CYB5B: variants seen among roughly 807,000 people sequenced by gnomAD.
CYB5B encodes the protein cytochrome b5 type B, also known as cytochrome b5 type B (outer mitochondrial membrane).
CYB5B carries 14 observed loss-of-function variants against 21.3 expected under a neutral mutation model. The observed-to-expected ratio is 0.66, with a 90% CI of 0.43 to 1.03. CYB5B has a LOEUF of 1.03. Among genes scored for constraint, CYB5B ranks in the 50% least tolerant of loss-of-function variants. The pLI is 0.00. For missense variants in CYB5B, 166 were observed against 185.1 expected (o/e 0.90, Z 0.60); for synonymous variants, 69 against 68.4 (o/e 1.01, Z -0.04).
At chr16:69,443,695 A>T (rs2014848485) in intron 1 of CYB5B, 1 of 152,420 alleles carries the variant, frequency 6.6e-6, no homozygotes, top group Admixed American at 6.5e-5. Flanking sequence ...TCTCTACTAA[A>T]AACACAAAAA....
chr16:69,447,685 T>G (rs999338138), intron 2 of CYB5B, among the ~76,000 whole-genome samples: 2 of 151,740 alleles, frequency 1.3e-5, no homozygotes, highest in Non-Finnish European at 2.9e-5. Flanking sequence ...TCATTCAATC[T>G]AGCCATCAGG....
chr16:69,430,604 C>G (rs1414380242), intron 1 of CYB5B, among the ~76,000 whole-genome samples: 1 of 151,936 alleles, frequency 6.6e-6, no homozygotes, highest in African/African-American at 2.4e-5. Flanking sequence ...AATTTGGAAG[C>G]CATTGACTTG....
At chr16:69,434,671 C>G (rs905138401) in intron 1 of CYB5B, among the ~76,000 whole-genome samples, 2 of 152,128 alleles carry the variant, frequency 1.3e-5, no homozygotes, top group East Asian at 1.9e-4. Context: ...CGAGACCAGC[C>G]TGGCCAACAT....
chr16:69,437,505 T>A (rs1232200456), intron 1 of CYB5B, among the ~76,000 whole-genome samples: 2 of 152,192 alleles, frequency 1.3e-5, no homozygotes, highest in Non-Finnish European at 2.9e-5. Context: ...ACCCCCCCAA[T>A]ACACTTCTAT....
At chr16:69,449,724 T>A (rs2014913905) in intron 3 of CYB5B, 2 of 152,346 alleles carry the variant, frequency 1.3e-5, no homozygotes, top group South Asian at 4.1e-4. Flanking sequence ...CCTACTGCTT[T>A]GGAATCTCTG....
chr16:69,430,868 T>G (rs2142809261), intron 1 of CYB5B, among the ~76,000 whole-genome samples: 1 of 152,144 alleles, frequency 6.6e-6, no homozygotes, highest in Admixed American at 6.5e-5. Context: ...AGATGGGGTT[T>G]TGCCATGTTG....
At chr16:69,440,742 T>TTGTGTGTGTGTGTGTGTGTG (rs1555509697) in intron 1 of CYB5B, among the ~76,000 whole-genome samples, 4 of 30,080 alleles carry the variant, frequency 1.3e-4, no homozygotes, top group African/African-American at 8.3e-4. Context: ...GCCGTGTGTG[T>TTGTGTGTGTGTGTGTGTGTG]TGCGTGTGTG....
chr16:69,432,655 CTTTACATGTAATTTCTCTT>C (rs1353898494), intron 1 of CYB5B, among the ~76,000 whole-genome samples: 1 of 152,102 alleles, frequency 6.6e-6, no homozygotes, highest in Non-Finnish European at 1.5e-5. Flanking sequence ...ATTCTAAGTG[CTTTACATGTAATTTCTCTT>C]TTAAGCCTCC....
intron 1 of CYB5B, among the ~76,000 whole-genome samples, chr16:69,442,761 A>G (rs559128658): frequency 2.7e-5 from 4 of 150,662 alleles, no homozygotes; most frequent in African/African-American, 7.3e-5. Flanking sequence ...GCCTCAAGCA[A>G]TCTTCCTGCC....
At chr16:69,425,238 C>T (rs1187887340) in intron 1 of CYB5B, among the ~76,000 whole-genome samples, 1 of 152,158 alleles carries the variant, frequency 6.6e-6, no homozygotes, top group African/African-American at 2.4e-5. Context: ...GAAGTGCACC[C>T]ACATCTGTGC....
chr16:69,428,529 G>T (rs1399339720), intron 1 of CYB5B, among the ~76,000 whole-genome samples: 1 of 152,018 alleles, frequency 6.6e-6, no homozygotes. Flanking sequence ...GGTGGCATGT[G>T]CCTGTACTCT....
intron 1 of CYB5B, 68 bp downstream of exon 1, chr16:69,424,925 T>C (rs1186332298): frequency 7.2e-6 from 10 of 1,393,920 alleles, no homozygotes; most frequent in Non-Finnish European, 9.4e-6. Context: ...GTGTGGAGTG[T>C]ATGTGGGAAG....
At chr16:69,437,926 T>C (rs1231063500) in intron 1 of CYB5B, among the ~76,000 whole-genome samples, 5 of 152,200 alleles carry the variant, frequency 3.3e-5, no homozygotes, top group Non-Finnish European at 1.5e-5. Flanking sequence ...TTTATTTTTA[T>C]TTACCATTTT....
At chr16:69,437,961 A>G (rs1043199315) in intron 1 of CYB5B, among the ~76,000 whole-genome samples, 2 of 152,182 alleles carry the variant, frequency 1.3e-5, no homozygotes, top group East Asian at 1.9e-4. Context: ...ATACAGTTCA[A>G]TGGCATTAAG....
chr16:69,457,319 A>G (rs1419885951), intron 3 of CYB5B, among the ~76,000 whole-genome samples: 1 of 152,162 alleles, frequency 6.6e-6, no homozygotes, highest in Non-Finnish European at 1.5e-5. Context: ...GAAGTATATG[A>G]TTTTTACTCT....
chr16:69,458,397 T>C (rs931926491), intron 3 of CYB5B, among the ~76,000 whole-genome samples: 1 of 152,240 alleles, frequency 6.6e-6, no homozygotes, highest in African/African-American at 2.4e-5. Context: ...AACAGATTTA[T>C]ATAATATGTA....
intron 1 of CYB5B, among the ~76,000 whole-genome samples, chr16:69,430,265 T>G (rs2142808893): frequency 6.6e-6 from 1 of 152,266 alleles, no homozygotes; most frequent in East Asian, 1.9e-4. Context: ...TGTCCAGGCT[T>G]GAGTGCAGTG....
rs1018627840 is a variant in CYB5B, at chr16:69,465,142, G to T, written c.*2622G>T. The stretch of plus-strand genomic sequence containing the variant: ...TGGAGCCAGTCCCCATTGGCTGACA[G>T]TGCCACCTGGAGCTGGTCTCTGGGG... On this transcript the variant is annotated 3_prime_UTR_variant, in exon 5 of 5. Transcript: ENST00000307892. 6 of 153,466 alleles carry T rather than the reference G, an allele frequency of 3.9e-5. No homozygotes were observed. Among genetic ancestry groups the T allele is most frequent in the African/African-American group, 1.4e-4 (6 of 41,486 alleles). 9.5% of individuals were successfully genotyped at this position (153,466 alleles called of 1,614,324 possible). A position where few individuals can be genotyped will look rare whatever the true frequency, so the allele number is the denominator to read the frequency against.
intron 4 of CYB5B, 117 bp downstream of exon 4, chr16:69,459,238 T>C (rs1187844728): frequency 7.7e-7 from 1 of 1,303,766 alleles, no homozygotes; most frequent in Admixed American, 2.6e-5. Context: ...TAATTCTTTT[T>C]TGGCCCAAAT....
Sources: allele counts gnomAD v4.1 joint callset (sites outside exome capture counted in the v4.1 genomes callset), GRCh38; gene constraint gnomAD v4.1.1; transcripts MANE v1.5; gene names NCBI Gene and HGNC (gene_info 2026-07-23, HGNC 2026-07-21).